TSC22D1: variants seen among roughly 807,000 people sequenced by gnomAD.
TSC22D1 encodes TSC22 domain family protein 1.
TSC22D1 carries 9 observed loss-of-function variants against 74.2 expected under a neutral mutation model. The ratio of observed to expected loss-of-function variants is 0.12; its 90% CI spans 0.07 to 0.21. The LOEUF is 0.21. TSC22D1 is among the 10% of genes least tolerant of loss of function. TSC22D1 has a pLI of 1.00. For missense variants in TSC22D1, 1,427 were observed against 1,304.7 expected, an observed-to-expected ratio of 1.09 and a Z score of -1.44; for synonymous variants, 586 against 492.5, an observed-to-expected ratio of 1.19 and a Z score of -2.51.
intron 1 of TSC22D1, among the ~76,000 whole-genome samples, chr13:44,559,150 T>C (rs1167014122): frequency 1.3e-5 from 2 of 152,108 alleles, no homozygotes; most frequent in Non-Finnish European, 2.9e-5. Flanking sequence ...CATGTTTGAC[T>C]CTCAAAGAAA....
At chr13:44,455,775 C>T (rs1031738919) in intron 1 of TSC22D1, among the ~76,000 whole-genome samples, 4 of 152,184 alleles carry the variant, frequency 2.6e-5, no homozygotes, top group South Asian at 4.2e-4. Context: ...CATGGTGCAC[C>T]GAACACACTC....
chr13:44,460,148 C>T (rs1876920922), intron 1 of TSC22D1, among the ~76,000 whole-genome samples: 1 of 152,200 alleles, frequency 6.6e-6, no homozygotes, highest in Non-Finnish European at 1.5e-5. Flanking sequence ...GAACCTGGCT[C>T]TTTCCACAGT....
intron 1 of TSC22D1, among the ~76,000 whole-genome samples, chr13:44,552,465 T>C (rs947505527): frequency 2.0e-5 from 3 of 152,230 alleles, no homozygotes; most frequent in African/African-American, 4.8e-5. Flanking sequence ...TTCTAACTTA[T>C]GTACAAGATT....
chr13:44,574,133 C>T lies in TSC22D1; in HGVS notation c.1942G>A (p.Val648Met), dbSNP rs1200006186. Reference protein sequence around the residue: ...TQMAPGHVKSVTQNPASEYVQ... With the variant: ...TQMAPGHVKSMTQNPASEYVQ... Reference sequence around the variant, plus strand: ...TACTCTGAAGCAGGATTTTGAGTCACTGATTTGACATGGCCTGGGGCCATC... The same window carrying T: ...TACTCTGAAGCAGGATTTTGAGTCATTGATTTGACATGGCCTGGGGCCATC... The change falls in exon 1 of 3, where the codon GTG becomes ATG. Residue 648 changes from valine (V) to methionine (M), a missense_variant. Transcript: ENST00000458659. 1 of 1,614,130 alleles carries T rather than the reference C, an allele frequency of 6.2e-7. No homozygotes were observed. The highest frequency in any genetic ancestry group is 8.5e-7 in the Non-Finnish European group (1 of 1,180,028).
chr13:44,517,575 T>C (rs1221319962), intron 1 of TSC22D1, among the ~76,000 whole-genome samples: 1 of 151,188 alleles, frequency 6.6e-6, no homozygotes, highest in African/African-American at 2.4e-5. Context: ...CCAGGTGCGG[T>C]GGCTTGCGCC....
At chr13:44,559,609 C>T (rs776261297) in intron 1 of TSC22D1, among the ~76,000 whole-genome samples, 1 of 152,000 alleles carries the variant, frequency 6.6e-6, no homozygotes, top group Non-Finnish European at 1.5e-5. Context: ...ACTGCAGCCT[C>T]GAACTCCTGG....
In TSC22D1 at chr13:44,473,233, G is replaced by A. The variant is rs148635038; in HGVS notation, c.2913-37138C>T. Among the ~76,000 whole-genome samples, 13 of 152,272 alleles carry A rather than the reference G, an allele frequency of 8.5e-5. 1 individual carries two copies. In the South Asian group the frequency reaches 1.7e-3, roughly 19 times the overall value. ...CTGGAGGCCAGGCACAACGGCACAGGCCTGTAATCCCAGCACGTTGGGAGG... is the reference window on the plus strand; with the variant it reads ...CTGGAGGCCAGGCACAACGGCACAGACCTGTAATCCCAGCACGTTGGGAGG... On this transcript the variant is annotated intron_variant, in intron 1 of 2. Coordinates refer to ENST00000458659, the MANE Select transcript of TSC22D1 (RefSeq NM_183422.4).
intron 1 of TSC22D1, among the ~76,000 whole-genome samples, chr13:44,525,626 C>T (rs1823437640): frequency 6.6e-6 from 1 of 151,644 alleles, no homozygotes; most frequent in South Asian, 2.1e-4. Context: ...CTAGGGAAAC[C>T]CAAATACCAC....
intron 1 of TSC22D1, among the ~76,000 whole-genome samples, chr13:44,455,813 C>T (rs763682064): frequency 3.3e-5 from 5 of 152,080 alleles, no homozygotes; most frequent in Non-Finnish European, 2.9e-5. Flanking sequence ...CCTCACACCA[C>T]TAAAGAGATG....
chr13:44,455,501 G>C (rs965628333), intron 1 of TSC22D1, among the ~76,000 whole-genome samples: 1 of 152,160 alleles, frequency 6.6e-6, no homozygotes, highest in East Asian at 1.9e-4. Flanking sequence ...AATAGCAATA[G>C]GTATTACATG....
chr13:44,551,432 G>C (rs1050213945), intron 1 of TSC22D1, among the ~76,000 whole-genome samples: 2 of 144,910 alleles, frequency 1.4e-5, no homozygotes, highest in African/African-American at 2.6e-5. Flanking sequence ...GTGTGTGTGT[G>C]TCTGAGACAG....
intron 1 of TSC22D1, among the ~76,000 whole-genome samples, chr13:44,442,274 A>AT (rs556972475): frequency 4.6e-5 from 7 of 152,358 alleles, no homozygotes; most frequent in South Asian, 2.1e-4. Context: ...CTGGCATCCA[A>AT]TAAAAAGTAC....
chr13:44,434,404 T>C lies in TSC22D1; in HGVS notation c.*222A>G. ...GCATGAGGTCCCGGTATATCCATGC[T>C]AATTCTCGGATTAACCTTTAATTCA... On this transcript the variant is annotated 3_prime_UTR_variant, in exon 3 of 3. Transcript: ENST00000458659. The C allele has an allele frequency of 2.2e-6, 3 of 1,364,226 alleles. No homozygotes were observed. The highest frequency in any genetic ancestry group is 2.8e-6 in the Non-Finnish European group (3 of 1,067,328). The allele number at this position is 1,364,226 out of a possible 1,614,324, so 84.5% of individuals were successfully genotyped here. A position where few individuals can be genotyped will look rare whatever the true frequency, so the allele number is the denominator to read the frequency against.
chr13:44,466,230 G>C (rs1877277410), intron 1 of TSC22D1, among the ~76,000 whole-genome samples: 1 of 152,198 alleles, frequency 6.6e-6, no homozygotes, highest in Admixed American at 6.5e-5. Context: ...AAGGGGTATA[G>C]GGAGAGGGTG....
At chr13:44,436,171 A>G in intron 1 of TSC22D1, 76 bp from the exon 2 acceptor site, 1 of 1,449,490 alleles carries the variant, frequency 6.9e-7, no homozygotes, top group Non-Finnish European at 9.5e-7. Flanking sequence ...GGATCTCCCA[A>G]TTTTGTGATA....
intron 1 of TSC22D1, among the ~76,000 whole-genome samples, chr13:44,479,351 G>T (rs1257694127): frequency 7.0e-6 from 1 of 142,428 alleles, no homozygotes; most frequent in Admixed American, 7.2e-5. Context: ...TAGCTCACCA[G>T]CTATCATTAG....
rs150670386 is a variant in TSC22D1 at position 44,505,716 on chromosome 13, T to TA, written c.2912+67446dup. ...CCAAAAATCATTGTTATTGAACTACTAGACTTTTCAATAAATTTCCATTTC... is the reference window on the plus strand; with the variant it reads ...CCAAAAATCATTGTTATTGAACTACTAAGACTTTTCAATAAATTTCCATTTC... On this transcript the variant is annotated intron_variant, in intron 1 of 2. Transcript: ENST00000458659. Among the ~76,000 whole-genome samples, 609 of 152,354 alleles carry TA rather than the reference T, an allele frequency of 4.0e-3. 5 individuals are homozygous for TA. The highest frequency in any genetic ancestry group is 0.017 in the Middle Eastern group (5 of 294).
At chr13:44,436,997 GC>G (rs1383459074) in intron 1 of TSC22D1, 42 of 863,568 alleles carry the variant, frequency 4.9e-5, no homozygotes, top group Middle Eastern at 1.2e-3. Flanking sequence ...CCCCACCTCC[GC>G]CCCCATTCTC....
intron 1 of TSC22D1, among the ~76,000 whole-genome samples, chr13:44,484,765 C>T (rs940343375): frequency 3.3e-5 from 5 of 152,186 alleles, no homozygotes; most frequent in African/African-American, 1.2e-4. Flanking sequence ...CTCTTTCCCA[C>T]ATCGAACCTC....
Sources: allele counts gnomAD v4.1 joint callset (sites outside exome capture counted in the v4.1 genomes callset), GRCh38; gene constraint gnomAD v4.1.1; transcripts MANE v1.5; gene names NCBI Gene and HGNC (gene_info 2026-07-23, HGNC 2026-07-21).